The following WDR11 variants were observed in gnomAD, a reference collection of about 807,000 sequenced individuals.
The protein encoded by WDR11 is WD repeat-containing protein 11.
Under a neutral mutation model 151.2 loss-of-function variants are expected in WDR11, and 83 were observed. The ratio of observed to expected loss-of-function variants is 0.55; its 90% CI spans 0.46 to 0.66. The LOEUF is 0.66. Ranked by LOEUF, WDR11 falls within the 30% of genes least tolerant of loss-of-function variation. The pLI is 0.00. For synonymous variants in WDR11, 484 were observed against 533.1 expected, an observed-to-expected ratio of 0.91 and a Z score of 1.27; for missense variants, 1,301 against 1,480.9, an observed-to-expected ratio of 0.88 and a Z score of 1.99.
intron 4 of WDR11, among the ~76,000 whole-genome samples, chr10:120,860,664 A>G (rs953344248): frequency 6.6e-6 from 1 of 152,232 alleles, no homozygotes; most frequent in Non-Finnish European, 1.5e-5. Context: ...GCTTTTTAAT[A>G]AATTGTCCTA....
At chr10:120,884,795 G>A (rs1350687261) in intron 14 of WDR11, among the ~76,000 whole-genome samples, 2 of 152,246 alleles carry the variant, frequency 1.3e-5, no homozygotes, top group East Asian at 1.9e-4. Flanking sequence ...AACAAAGTCT[G>A]TGAAGAGCTA....
Position 120,889,978 on chromosome 10 carries a change from A to G in WDR11, c.2312A>G (p.Asn771Ser), listed in dbSNP as rs780148525. ...AATCAAAAATTAATAGCAATGTACA[A>G]TGATGGAGCTGAAGTGTGGGATACT... ...KGNQKLIAMY[N>S]DGAEVWDTKE... The change falls in exon 18 of 29, where the codon AAT becomes AGT. Residue 771 changes from asparagine to serine, a missense_variant. Physicochemically the swap from Asn to Ser is conservative, Grantham distance 46. Around this residue, in one of 3 missense-constraint regions of WDR11, gnomAD observed 589 missense variants for 670.6 expected, o/e 0.88. Transcript: ENST00000263461. 11 of 1,613,632 alleles carry G rather than the reference A, an allele frequency of 6.8e-6. No homozygotes were observed. Among genetic ancestry groups the G allele is most frequent in the Admixed American group, 1.7e-5 (1 of 60,002 alleles).
At chr10:120,860,664 A>C (rs953344248) in intron 4 of WDR11, among the ~76,000 whole-genome samples, 3 of 152,232 alleles carry the variant, frequency 2.0e-5, no homozygotes, top group African/African-American at 7.2e-5. Flanking sequence ...GCTTTTTAAT[A>C]AATTGTCCTA....
intron 11 of WDR11, among the ~76,000 whole-genome samples, chr10:120,875,705 A>G (rs963962294): frequency 2.0e-5 from 3 of 151,986 alleles, no homozygotes; most frequent in African/African-American, 7.3e-5. Flanking sequence ...GGGTTTCACC[A>G]TGTTGGCCAG....
intron 28 of WDR11, among the ~76,000 whole-genome samples, 190 bp downstream of exon 28, chr10:120,907,045 G>C (rs1369891795): frequency 6.6e-6 from 1 of 152,166 alleles, no homozygotes; most frequent in African/African-American, 2.4e-5. Context: ...TAAGAAGGTG[G>C]CTGCACCATG....
intron 2 of WDR11, among the ~76,000 whole-genome samples, 185 bp downstream of exon 2, chr10:120,852,820 T>C (rs1845826766): frequency 6.6e-6 from 1 of 152,244 alleles, no homozygotes; most frequent in South Asian, 2.1e-4. Context: ...AGTTATTAAA[T>C]GCTAGTTGTT....
At chr10:120,874,570 C>T (rs75636096) in intron 11 of WDR11, among the ~76,000 whole-genome samples, 9,304 of 150,676 alleles carry the variant, frequency 0.062, 966 homozygotes, top group African/African-American at 0.21. Flanking sequence ...CACATGCCCC[C>T]GCCAACAGGC....
Position 120,903,113 on chromosome 10 carries a change from A to G in WDR11, c.2812A>G (p.Ser938Gly). Residue 938 changes from serine to glycine, a missense_variant, in exon 23 of 29, where the codon AGC (serine) becomes GGC (glycine). By Grantham distance (56) the Ser-to-Gly change is moderately conservative. Transcript: ENST00000263461. ...FWTVAAHYLH[S>G]LSQEKSASTT... The stretch of plus-strand genomic sequence containing the variant: ...GACTGTCGCTGCCCACTACCTGCAC[A>G]GCTTATCCCAGGAAAAGTCAGCCAG... 6.2e-7 allele frequency: 1 copy of G among 1,614,206 alleles called. No individual in the cohort carries two copies. The highest frequency in any genetic ancestry group is 8.5e-7 in the Non-Finnish European group (1 of 1,180,036).
intron 9 of WDR11, among the ~76,000 whole-genome samples, chr10:120,870,352 C>G (rs1846493767): frequency 6.6e-6 from 1 of 151,958 alleles, no homozygotes; most frequent in Admixed American, 6.6e-5. Context: ...CATGCATATT[C>G]TTTCTATTTT....
At chr10:120,859,972 C>T (rs1300044874) in intron 3 of WDR11, 137 bp from the exon 4 acceptor site, 2 of 891,314 alleles carry the variant, frequency 2.2e-6, no homozygotes, top group African/African-American at 1.7e-5. Context: ...CACACACACA[C>T]ACACACGTCA....
chr10:120,857,194 C>T (rs11199601), intron 2 of WDR11, among the ~76,000 whole-genome samples: 46,041 of 151,858 alleles, frequency 0.3, 7,374 homozygotes, highest in East Asian at 0.42. Flanking sequence ...GCAAAAGGAA[C>T]AAAAATGTGA....
rs1165363302 is a variant in WDR11, at chr10:120,909,299, G to GT, written c.*590dup. 4 of 154,510 alleles carry GT rather than the reference G, an allele frequency of 2.6e-5. No individual in the cohort carries two copies. Among genetic ancestry groups the GT allele is most frequent in the South Asian group, 2.0e-4 (1 of 4,976 alleles). The allele number at this position is 154,510 out of a possible 1,614,324, so 9.6% of individuals were successfully genotyped here. A position where few individuals can be genotyped will look rare whatever the true frequency, so the allele number is the denominator to read the frequency against. On this transcript the variant is annotated 3_prime_UTR_variant, in exon 29 of 29. Coordinates refer to ENST00000263461, the MANE Select transcript of WDR11 (RefSeq NM_018117.12). Reference sequence around the variant, plus strand: ...TTTTAGGCTCAGAGGACCATAGGAGGTTTTAAGATTTATGTTTAGTCCGAT... The same window carrying GT: ...TTTTAGGCTCAGAGGACCATAGGAGGTTTTTAAGATTTATGTTTAGTCCGAT...
rs563167566 is a variant in WDR11, at chr10:120,878,545, C to T, written c.1663+86C>T. 1.1e-4 allele frequency: 127 copies of T among 1,122,536 alleles called. No homozygotes were observed. The African/African-American group carries it at 1.7e-3, about 15-fold the overall frequency. The allele number at this position is 1,122,536 out of a possible 1,614,324, so 69.5% of individuals were successfully genotyped here. ...AACATGTTTGAAAGTACTTCTTTCA[C>T]CTTGGAATTTTTTTTTATATTTCAT... On this transcript the variant is annotated intron_variant, in intron 12 of 28. Transcript: ENST00000263461.
intron 12 of WDR11, chr10:120,879,644 A>G (rs1395888416): frequency 6.6e-6 from 1 of 152,222 alleles, no homozygotes; most frequent in East Asian, 1.9e-4. Flanking sequence ...TAAGTGGGAT[A>G]TTTGAGTTCA....
chr10:120,869,267 C>T (rs192626208), intron 9 of WDR11, among the ~76,000 whole-genome samples: 2 of 151,998 alleles, frequency 1.3e-5, no homozygotes, highest in Admixed American at 6.6e-5. Context: ...CCCGCCACCA[C>T]GCCCGGCTAA....
At chr10:120,888,071 T>TA (rs1178905607) in intron 16 of WDR11, among the ~76,000 whole-genome samples, 1 of 152,178 alleles carries the variant, frequency 6.6e-6, no homozygotes, top group Admixed American at 6.5e-5. Context: ...TTCAAACCAC[T>TA]AGAGTTTTCT....
At chr10:120,870,695 T>C (rs2133755565) in intron 9 of WDR11, among the ~76,000 whole-genome samples, 1 of 152,336 alleles carries the variant, frequency 6.6e-6, no homozygotes, top group South Asian at 2.1e-4. Flanking sequence ...AAATTATGAA[T>C]AAGTTATTTA....
intron 12 of WDR11, chr10:120,878,904 G>A (rs549535120): frequency 6.5e-6 from 1 of 153,528 alleles, no homozygotes; most frequent in Non-Finnish European, 1.5e-5. Context: ...GTCTCTGGCT[G>A]AATGAATAGA....
At chr10:120,871,054 C>T in intron 9 of WDR11, 116 bp from the exon 10 acceptor site, 1 of 1,060,278 alleles carries the variant, frequency 9.4e-7, no homozygotes, top group East Asian at 2.6e-5. Context: ...TAAAGTACTA[C>T]ATTAACTACA....
Sources: allele counts gnomAD v4.1 joint callset (sites outside exome capture counted in the v4.1 genomes callset), GRCh38; gene constraint gnomAD v4.1.1; regional missense constraint gnomAD v4.1.1; transcripts MANE v1.5; gene names NCBI Gene and HGNC (gene_info 2026-07-23, HGNC 2026-07-21).